EXT1: variants seen among roughly 807,000 people sequenced by gnomAD.
EXT1 encodes exostosin-1.
Under a neutral mutation model 82.5 loss-of-function variants are expected in EXT1, and 20 were observed. The observed-to-expected ratio is 0.24, with a 90% CI of 0.17 to 0.35. The LOEUF (loss-of-function observed/expected upper bound fraction) is 0.35. Among genes scored for constraint, EXT1 ranks in the 10% least tolerant of loss-of-function variants. EXT1 has a pLI of 1.00. For synonymous variants in EXT1, 348 were observed against 350.8 expected (o/e 0.99, Z 0.09); for missense variants, 757 against 936.5 (o/e 0.81, Z 2.50).
intron 1 of EXT1, among the ~76,000 whole-genome samples, chr8:118,074,556 CGAGA>C (rs1004685289): frequency 6.9e-6 from 1 of 144,950 alleles, no homozygotes; most frequent in African/African-American, 2.6e-5. Context: ...TAGGGGGCTA[CGAGA>C]GAGAGAGAAG....
intron 1 of EXT1, among the ~76,000 whole-genome samples, chr8:117,851,202 T>A (rs1459197471): frequency 2.0e-5 from 3 of 151,674 alleles, no homozygotes; most frequent in African/African-American, 4.8e-5. Context: ...AATATCCAGA[T>A]GAAAAAAAGC....
chr8:117,890,801 T>C (rs1813229520), intron 1 of EXT1, among the ~76,000 whole-genome samples: 1 of 152,218 alleles, frequency 6.6e-6, no homozygotes, highest in African/African-American at 2.4e-5. Context: ...GATCTAAAGA[T>C]TCTATAAAAG....
At position 118,110,238 on chromosome 8, in the gene EXT1, C is replaced by T. The variant is rs1477621319; in HGVS notation, c.809G>A (p.Arg270Lys). Residue 270 changes from arginine (R) to lysine (K), a missense_variant, in exon 1 of 11, where the codon AGG becomes AAG. This residue lies in a region of EXT1 where 247 missense variants were observed against 330.1 expected (regional missense o/e 0.75). Transcript: ENST00000378204. Reference protein sequence around the residue: ...RKYMLVFKGKRYLTGIGSDTR... With the variant: ...RKYMLVFKGKKYLTGIGSDTR... ...GTCTGATCCTATCCCTGTCAGGTAC[C>T]TCTTCCCCTTGAATACCAGCATGTA... 1.2e-6 allele frequency: 2 copies of T among 1,614,070 alleles called. No individual in the cohort carries two copies. Among genetic ancestry groups the T allele is most frequent in the Non-Finnish European group, 8.5e-7 (1 of 1,180,048 alleles).
chr8:117,970,048 C>T (rs1229644865), intron 1 of EXT1, among the ~76,000 whole-genome samples: 1 of 152,202 alleles, frequency 6.6e-6, no homozygotes, highest in Non-Finnish European at 1.5e-5. Flanking sequence ...CCCTCTAAAC[C>T]ACAGTTTCCT....
At chr8:118,067,425 T>C (rs942554249) in intron 1 of EXT1, among the ~76,000 whole-genome samples, 8 of 152,208 alleles carry the variant, frequency 5.3e-5, no homozygotes, top group Admixed American at 2.6e-4. Context: ...ATGGGCTGGA[T>C]GGAAGCAGGT....
chr8:117,890,215 T>C (rs1813219227), intron 1 of EXT1, among the ~76,000 whole-genome samples: 3 of 152,254 alleles, frequency 2.0e-5, no homozygotes, highest in South Asian at 2.1e-4. Context: ...CAAAAGTTAT[T>C]TGAATAATAT....
At chr8:117,882,013 T>C (rs1248431543) in intron 1 of EXT1, among the ~76,000 whole-genome samples, 1 of 152,250 alleles carries the variant, frequency 6.6e-6, no homozygotes, top group Non-Finnish European at 1.5e-5. Context: ...GGGAATTTTC[T>C]GCCATTTAAC....
At chr8:117,853,177 T>A (rs1812484569) in intron 1 of EXT1, among the ~76,000 whole-genome samples, 1 of 152,236 alleles carries the variant, frequency 6.6e-6, no homozygotes, top group South Asian at 2.1e-4. Context: ...TTTGCTGTGA[T>A]GTAGACTAAA....
chr8:117,800,788 T>C (rs562496725), intron 10 of EXT1, among the ~76,000 whole-genome samples: 1 of 152,344 alleles, frequency 6.6e-6, no homozygotes, highest in African/African-American at 2.4e-5. Flanking sequence ...GCTCTCTGTG[T>C]TGCCCCTAAA....
At chr8:117,836,472 G>A (rs1812190557) in intron 2 of EXT1, among the ~76,000 whole-genome samples, 2 of 152,208 alleles carry the variant, frequency 1.3e-5, no homozygotes, top group Admixed American at 1.3e-4. Flanking sequence ...AAAGGGTCAA[G>A]GAATGGAGGA....
intron 1 of EXT1, among the ~76,000 whole-genome samples, chr8:117,896,435 GGGA>G (rs1045034942): frequency 1.3e-5 from 2 of 152,184 alleles, no homozygotes; most frequent in African/African-American, 4.8e-5. Flanking sequence ...ATGAAGATAA[GGGA>G]GGAGGGAGTG....
chr8:117,933,255 T>G (rs76302200), intron 1 of EXT1, among the ~76,000 whole-genome samples: 3 of 128,328 alleles, frequency 2.3e-5, no homozygotes, highest in Admixed American at 7.8e-5. Flanking sequence ...TTTTTTTTTT[T>G]GGTTTATTTG....
At chr8:118,079,070 A>G (rs17431757) in intron 1 of EXT1, among the ~76,000 whole-genome samples, 3,456 of 152,328 alleles carry the variant, frequency 0.023, 91 homozygotes, top group South Asian at 0.12. Flanking sequence ...CGTCCCTCAT[A>G]GACAAGATTT....
At chr8:117,983,621 A>G (rs1441736149) in intron 1 of EXT1, among the ~76,000 whole-genome samples, 1 of 152,228 alleles carries the variant, frequency 6.6e-6, no homozygotes, top group Non-Finnish European at 1.5e-5. Flanking sequence ...CAACAACAAC[A>G]AAATAGAGGC....
intron 1 of EXT1, among the ~76,000 whole-genome samples, chr8:118,086,930 C>G (rs1817431000): frequency 6.6e-6 from 1 of 152,060 alleles, no homozygotes; most frequent in Non-Finnish European, 1.5e-5. Flanking sequence ...TGTTTTGATT[C>G]AAAAGAAAAG....
At chr8:117,903,295 G>C (rs571398896) in intron 1 of EXT1, among the ~76,000 whole-genome samples, 1 of 152,346 alleles carries the variant, frequency 6.6e-6, no homozygotes, top group South Asian at 2.1e-4. Context: ...AACAGGGAGA[G>C]AGGAGGAGTG....
At chr8:117,891,781 C>T (rs1813246853) in intron 1 of EXT1, among the ~76,000 whole-genome samples, 1 of 148,608 alleles carries the variant, frequency 6.7e-6, no homozygotes, top group African/African-American at 2.5e-5. Flanking sequence ...GGAGTGAGGG[C>T]AAGAAAGGTT....
At chr8:118,007,803 A>G (rs1022762588) in intron 1 of EXT1, among the ~76,000 whole-genome samples, 6 of 152,132 alleles carry the variant, frequency 3.9e-5, no homozygotes, top group African/African-American at 1.4e-4. Flanking sequence ...AAATGAATAA[A>G]CTAAAGTGTA....
intron 1 of EXT1, among the ~76,000 whole-genome samples, chr8:118,082,225 A>C (rs1415328073): frequency 6.6e-6 from 1 of 152,206 alleles, no homozygotes; most frequent in Non-Finnish European, 1.5e-5. Flanking sequence ...AATGCATTAA[A>C]AATAGCTGAA....
Sources: gnomAD v4.1 joint callset for allele counts (sites outside exome capture counted in the v4.1 genomes callset) on GRCh38, gnomAD v4.1.1 for gene constraint, gnomAD v4.1.1 regional missense constraint, MANE v1.5 for transcripts, NCBI Gene and HGNC (gene_info 2026-07-23, HGNC 2026-07-21) for gene names.